The following CFAP91 variants were observed in gnomAD, a reference collection of about 807,000 sequenced individuals.
CFAP91 encodes the protein cilia and flagella associated protein 91.
In CFAP91, 85 loss-of-function variants were observed where a neutral mutation model predicts 95.9. The ratio of observed to expected loss-of-function variants is 0.89; its 90% CI spans 0.74 to 1.06. The LOEUF (loss-of-function observed/expected upper bound fraction) is 1.06. CFAP91 is among the 50% of genes least tolerant of loss of function. The pLI is 0.00. For missense variants in CFAP91, 962 were observed against 943.4 expected (o/e 1.02, Z -0.26); for synonymous variants, 335 against 327.5 (o/e 1.02, Z -0.25).
chr3:119,744,546 A>C (rs1026612272), intron 14 of CFAP91, among the ~76,000 whole-genome samples: 1 of 152,232 alleles, frequency 6.6e-6, no homozygotes, highest in African/African-American at 2.4e-5. Flanking sequence ...CAAGGCGGCC[A>C]GGAAGGAGCT....
intron 4 of CFAP91, among the ~76,000 whole-genome samples, chr3:119,709,349 T>G (rs2053433020): frequency 1.3e-5 from 2 of 152,222 alleles, no homozygotes; most frequent in Admixed American, 6.5e-5. Context: ...TGATACTGAC[T>G]TTTCCAGAGA....
chr3:119,727,626 G>C (rs2053808561), intron 7 of CFAP91, among the ~76,000 whole-genome samples: 1 of 152,162 alleles, frequency 6.6e-6, no homozygotes, highest in South Asian at 2.1e-4. Context: ...GGGGCAGGGG[G>C]AGCAGGGAAG....
intron 14 of CFAP91, among the ~76,000 whole-genome samples, chr3:119,745,225 A>C (rs1213523312): frequency 6.6e-6 from 1 of 152,186 alleles, no homozygotes; most frequent in African/African-American, 2.4e-5. Flanking sequence ...TATAGTGACT[A>C]TTTTCCATCC....
intron 16 of CFAP91, among the ~76,000 whole-genome samples, chr3:119,748,791 C>T (rs546621430): frequency 6.6e-6 from 1 of 152,300 alleles, no homozygotes; most frequent in South Asian, 2.1e-4. Flanking sequence ...AGTTTGTTTT[C>T]CTGTTACTAA....
intron 5 of CFAP91, 107 bp downstream of exon 5, chr3:119,710,002 C>A: frequency 1.2e-6 from 1 of 854,214 alleles, no homozygotes; most frequent in Non-Finnish European, 1.9e-6. Flanking sequence ...AATTGTGGAT[C>A]ACAAAACATT....
rs146634388 is a variant in CFAP91, at chr3:119,744,139, T to A, written c.1845T>A (p.Ser615Arg). 1.2e-6 allele frequency: 2 copies of A among 1,612,374 alleles called. No individual in the cohort carries two copies. The highest frequency in any genetic ancestry group is 2.2e-5 in the East Asian group (1 of 44,792). Residue 615 changes from serine to arginine, a missense_variant, in exon 14 of 18, where the codon AGT becomes AGA. Ser to Arg is a moderately radical substitution (Grantham distance 110). Transcript: ENST00000273390. ...GGCGGGTACGAGAGGCTGAAGAGAG[T>A]GGTCGGCGCCAGGTGGAAAAACAGC... is the stretch of plus-strand genomic sequence containing the variant. ...RQRRVREAEE[S>R]GRRQVEKQRL...
intron 7 of CFAP91, 34 bp from the exon 8 acceptor site, chr3:119,730,186 A>G (rs1400247152): frequency 3.1e-6 from 5 of 1,603,380 alleles, no homozygotes; most frequent in African/African-American, 2.7e-5. Flanking sequence ...TTGAGATGCC[A>G]TATGCTTCTT....
intron 14 of CFAP91, among the ~76,000 whole-genome samples, chr3:119,745,350 AAC>A (rs1446559902): frequency 6.6e-6 from 1 of 152,232 alleles, no homozygotes. Flanking sequence ...GATAGTGAGA[AAC>A]ACAGATATAA....
chr3:119,766,673 A>G lies in CFAP91; in HGVS notation c.*1623A>G, dbSNP rs1489870437. The G allele has an allele frequency of 1.3e-5, 2 of 152,240 alleles. No individual in the cohort carries two copies. Among genetic ancestry groups the G allele is most frequent in the Non-Finnish European group, 2.9e-5 (2 of 68,038 alleles). The allele number at this position is 152,240 out of a possible 1,614,324, so 9.4% of individuals were successfully genotyped here. On this transcript the variant is annotated 3_prime_UTR_variant, in exon 18 of 18. Transcript: ENST00000273390. ...GTTTGCGGGTCTGATGGTCGCCATC[A>G]TAACTGCATACTCAACTCTGCCGTT...
rs970046189 is a variant in CFAP91, at chr3:119,763,795, G to C, written c.*2-1257G>C. Among the ~76,000 whole-genome samples, 15 of 152,070 alleles carry C rather than the reference G, an allele frequency of 9.9e-5. 1 individual carries two copies. ...CTTGCATGTAGAGTAGAAAAAAGTT[G>C]AATTCATAGAAGTAAAGAGTAGAAT... is the stretch of plus-strand genomic sequence containing the variant. On this transcript the variant is annotated intron_variant, in intron 17 of 17. Transcript: ENST00000273390.
chr3:119,728,666 C>G (rs892465216), intron 7 of CFAP91, among the ~76,000 whole-genome samples: 3 of 152,188 alleles, frequency 2.0e-5, no homozygotes, highest in Non-Finnish European at 4.4e-5. Flanking sequence ...TGCATTCACT[C>G]TGAGAAACCC....
chr3:119,761,785 ATT>A (rs1236952049), intron 17 of CFAP91, among the ~76,000 whole-genome samples: 1 of 151,896 alleles, frequency 6.6e-6, no homozygotes, highest in Non-Finnish European at 1.5e-5. Flanking sequence ...CAAATTCAAT[ATT>A]CTTTCATGAC....
At chr3:119,727,403 T>G (rs2053803223) in intron 7 of CFAP91, among the ~76,000 whole-genome samples, 1 of 152,226 alleles carries the variant, frequency 6.6e-6, no homozygotes, top group Non-Finnish European at 1.5e-5. Context: ...TTTGGAAAGA[T>G]ATGTGTCTTT....
intron 2 of CFAP91, 195 bp from the exon 3 acceptor site, chr3:119,707,209 C>G: frequency 1.9e-6 from 1 of 520,846 alleles, no homozygotes; most frequent in Non-Finnish European, 3.4e-6. Flanking sequence ...CCCCTACCCC[C>G]TCCACATAAA....
At chr3:119,708,398 T>C (rs754571037) in intron 3 of CFAP91, among the ~76,000 whole-genome samples, 193 bp from the exon 4 acceptor site, 1 of 152,212 alleles carries the variant, frequency 6.6e-6, no homozygotes, top group African/African-American at 2.4e-5. Context: ...CTGACTAGGT[T>C]CTGGTCTCCT....
chr3:119,715,136 A>G (rs572334256), intron 5 of CFAP91, among the ~76,000 whole-genome samples: 1 of 152,176 alleles, frequency 6.6e-6, no homozygotes, highest in South Asian at 2.1e-4. Flanking sequence ...AGCAGAAACC[A>G]TCTCTTCTCT....
intron 7 of CFAP91, among the ~76,000 whole-genome samples, chr3:119,727,111 T>C (rs2053798292): frequency 6.6e-6 from 1 of 152,240 alleles, no homozygotes. Flanking sequence ...GGGCGTTTGC[T>C]GAGTTTGTCC....
intron 7 of CFAP91, 25 bp from the exon 8 acceptor site, chr3:119,730,191 CTTCT>C: frequency 6.2e-7 from 1 of 1,603,724 alleles, no homozygotes; most frequent in Non-Finnish European, 8.5e-7. Context: ...ATGCCATATG[CTTCT>C]TTATGTTTTG....
intron 2 of CFAP91, 27 bp downstream of exon 2, chr3:119,706,912 A>G: frequency 2.6e-6 from 4 of 1,533,758 alleles, no homozygotes; most frequent in Middle Eastern, 1.7e-4. Flanking sequence ...AGCCAAGGCT[A>G]CCTGATGAAC....
Sources: allele counts gnomAD v4.1 joint callset (sites outside exome capture counted in the v4.1 genomes callset), GRCh38; gene constraint gnomAD v4.1.1; transcripts MANE v1.5; gene names NCBI Gene and HGNC (gene_info 2026-07-23, HGNC 2026-07-21).